The following MCTP1 variants were observed in gnomAD, a reference collection of about 807,000 sequenced individuals.
The protein encoded by MCTP1 is multiple C2 and transmembrane domain-containing protein 1.
MCTP1 carries 69 observed loss-of-function variants against 120.6 expected under a neutral mutation model. The ratio of observed to expected loss-of-function variants is 0.57; its 90% CI spans 0.47 to 0.70. MCTP1 has a LOEUF of 0.70. Ranked by LOEUF, MCTP1 falls within the 30% of genes least tolerant of loss-of-function variation. MCTP1 has a pLI of 0.00. For synonymous variants in MCTP1, 529 were observed against 493.1 expected (o/e 1.07, Z -0.96); for missense variants, 1,203 against 1,248.8 (o/e 0.96, Z 0.55).
intron 17 of MCTP1, among the ~76,000 whole-genome samples, chr5:94,807,674 G>A (rs1236236140): frequency 2.0e-5 from 3 of 151,670 alleles, no homozygotes; most frequent in African/African-American, 7.3e-5. Flanking sequence ...GAAATATGCA[G>A]GGATGTTTTT....
At chr5:94,826,184 T>C (rs573900951) in intron 17 of MCTP1, 8 of 396,792 alleles carry the variant, frequency 2.0e-5, no homozygotes, top group African/African-American at 1.4e-4. Flanking sequence ...AATCAAAGCA[T>C]TATCTGTCCA....
At chr5:94,804,502 G>T (rs1310688418) in intron 17 of MCTP1, among the ~76,000 whole-genome samples, 1 of 151,962 alleles carries the variant, frequency 6.6e-6, no homozygotes, top group Admixed American at 6.6e-5. Flanking sequence ...GCAGTGGCGC[G>T]ATGTCGGCTC....
intron 1 of MCTP1, among the ~76,000 whole-genome samples, chr5:95,214,170 A>G (rs1752756139): frequency 1.3e-5 from 2 of 152,286 alleles, no homozygotes; most frequent in South Asian, 4.1e-4. Context: ...ATTTACAAGA[A>G]AAAAACAAAC....
intron 6 of MCTP1, among the ~76,000 whole-genome samples, chr5:94,925,018 C>G (rs1812685539): frequency 6.6e-6 from 1 of 152,092 alleles, no homozygotes; most frequent in South Asian, 2.1e-4. Context: ...CTTTTCATGC[C>G]ATGTTTAATT....
chr5:94,729,593 A>G (rs1471833864), intron 19 of MCTP1, among the ~76,000 whole-genome samples: 1 of 152,232 alleles, frequency 6.6e-6, no homozygotes. Context: ...GCAAGAGAAG[A>G]GTAAGTGAGG....
At chr5:94,831,724 T>C (rs952796246) in intron 17 of MCTP1, among the ~76,000 whole-genome samples, 1 of 152,236 alleles carries the variant, frequency 6.6e-6, no homozygotes, top group Admixed American at 6.5e-5. Context: ...TCTTTTCAAA[T>C]TAAATTCAGC....
intron 1 of MCTP1, among the ~76,000 whole-genome samples, chr5:95,091,476 C>T (rs1755837479): frequency 6.6e-6 from 1 of 152,122 alleles, no homozygotes; most frequent in Admixed American, 6.6e-5. Flanking sequence ...AGAGGTGATG[C>T]CATGTGACTT....
At chr5:95,254,355 C>T (rs1757668989) in intron 1 of MCTP1, among the ~76,000 whole-genome samples, 1 of 152,008 alleles carries the variant, frequency 6.6e-6, no homozygotes, top group Admixed American at 6.6e-5. Context: ...GTAATTATCC[C>T]AATTTCCAGA....
intron 1 of MCTP1, among the ~76,000 whole-genome samples, chr5:95,059,516 C>A (rs1364374139): frequency 6.6e-6 from 1 of 151,332 alleles, no homozygotes. Context: ...CAGCATTATG[C>A]AATATACCCA....
rs925086037 is a variant in MCTP1 at position 94,706,504 on chromosome 5, C to G, written c.*992G>C. 4.0e-5 allele frequency: 6 copies of G among 150,698 alleles called. No individual in the cohort carries two copies. The highest frequency in any genetic ancestry group is 5.9e-5 in the Non-Finnish European group (4 of 67,652). The allele number at this position is 150,698 out of a possible 1,614,324, so 9.3% of individuals were successfully genotyped here. On this transcript the variant is annotated 3_prime_UTR_variant, in exon 23 of 23. Transcript: ENST00000515393. ...CATATCACTTAGCACACTGAATTCT[C>G]TACATTAAAATTCACACTAATAACA...
intron 1 of MCTP1, among the ~76,000 whole-genome samples, chr5:95,049,084 G>C (rs1052303090): frequency 9.9e-5 from 15 of 151,922 alleles, no homozygotes; most frequent in Admixed American, 3.3e-4. Flanking sequence ...TTATTTAATG[G>C]CGTCATCTTT....
chr5:94,749,683 AAAAT>A (rs1323630736), intron 19 of MCTP1, among the ~76,000 whole-genome samples: 10 of 138,342 alleles, frequency 7.2e-5, no homozygotes, highest in African/African-American at 2.9e-4. Context: ...AAAAAAAAAA[AAAAT>A]ATCAAGGCAG....
At position 95,080,232 on chromosome 5, in the gene MCTP1, T is replaced by C. The variant is rs568706097; in HGVS notation, c.721-62748A>G. ...ACTTCCCAGAGTAAGGATTTGGACA[T>C]TTGTGCTGTGGCAATGGCTAAGAAA... On this transcript the variant is annotated intron_variant, in intron 1 of 22. Transcript: ENST00000515393. Among the ~76,000 whole-genome samples, 3 of 152,296 alleles carry C rather than the reference T, an allele frequency of 2.0e-5. No homozygotes were observed. The East Asian group carries it at 5.8e-4, about 29-fold the overall frequency.
intron 17 of MCTP1, among the ~76,000 whole-genome samples, chr5:94,811,391 C>G (rs897576990): frequency 6.6e-6 from 1 of 152,116 alleles, no homozygotes; most frequent in African/African-American, 2.4e-5. Context: ...CAGAAGTTAT[C>G]AGAGAACACT....
At chr5:94,932,213 TAAAAAAA>T (rs368203326) in intron 5 of MCTP1, among the ~76,000 whole-genome samples, 6 of 95,846 alleles carry the variant, frequency 6.3e-5, no homozygotes, top group Admixed American at 2.4e-4. Flanking sequence ...TATTCCTTTG[TAAAAAAA>T]AAAAAAAAAA....
intron 1 of MCTP1, among the ~76,000 whole-genome samples, chr5:95,170,362 T>C (rs141993317): frequency 3.9e-5 from 6 of 152,342 alleles, no homozygotes; most frequent in African/African-American, 1.4e-4. Flanking sequence ...AAGTGCAATG[T>C]GGTGCTTAGT....
intron 1 of MCTP1, among the ~76,000 whole-genome samples, chr5:95,260,880 T>G (rs1354994400): frequency 6.6e-6 from 1 of 152,190 alleles, no homozygotes; most frequent in Non-Finnish European, 1.5e-5. Context: ...CAATTTCCAA[T>G]TTTTCTATTA....
intron 1 of MCTP1, among the ~76,000 whole-genome samples, chr5:95,076,197 A>G (rs746873313): frequency 0.045 from 6,671 of 149,050 alleles, 216 homozygotes; most frequent in Middle Eastern, 0.061. Context: ...AGTTATATGA[A>G]TGTGGCCTCT....
chr5:94,950,679 C>A (rs758497942), intron 3 of MCTP1, among the ~76,000 whole-genome samples: 1 of 151,966 alleles, frequency 6.6e-6, no homozygotes, highest in African/African-American at 2.4e-5. Context: ...TTTGGCCAGG[C>A]GCGGTGGCTC....
Sources: allele counts gnomAD v4.1 joint callset (sites outside exome capture counted in the v4.1 genomes callset), GRCh38; gene constraint gnomAD v4.1.1; transcripts MANE v1.5; gene names NCBI Gene and HGNC (gene_info 2026-07-23, HGNC 2026-07-21).